Variants in DNASE1L1 observed in about 807,000 individuals in gnomAD.
The protein encoded by DNASE1L1 is deoxyribonuclease 1 like 1.
DNASE1L1 carries 8 observed loss-of-function variants against 18.6 expected under a neutral mutation model. The ratio of observed to expected loss-of-function variants is 0.43; its 90% CI spans 0.25 to 0.78. The LOEUF is 0.78. Among genes scored for constraint, DNASE1L1 ranks in the 30% least tolerant of loss-of-function variants. The pLI is 0.23. For missense variants in DNASE1L1, 214 were observed against 258.2 expected, an observed-to-expected ratio of 0.83 and a Z score of 1.17; for synonymous variants, 114 against 114.2, an observed-to-expected ratio of 1.00 and a Z score of 0.01.
chrX:154,407,531 G>A (rs1416300640), intron 1 of DNASE1L1, among the ~76,000 whole-genome samples: 6 of 104,433 alleles, frequency 5.7e-5, no homozygotes, highest in African/African-American at 1.7e-4. Context: ...GAGCCACTGC[G>A]CCCAGCCAGT....
At chrX:154,411,366 A>G, upstream of DNASE1L1, among the ~76,000 whole-genome samples, 1 of 112,593 alleles carries the variant, frequency 8.9e-6, no homozygotes, top group Middle Eastern at 4.7e-3. Flanking sequence ...CCCTGTGTCA[A>G]ACAAAAAACA....
chrX:154,411,803 G>A, upstream of DNASE1L1: 2 of 1,132,306 alleles, frequency 1.8e-6, no homozygotes, highest in Non-Finnish European at 2.3e-6. Context: ...CCCACAGGCC[G>A]GCCCGGGGCG....
chrX:154,402,569 TCAAA>T lies in DNASE1L1; in HGVS notation c.*134_*137del, dbSNP rs1245537130. On this transcript the variant is annotated 3_prime_UTR_variant, in exon 8 of 8. Coordinates refer to ENST00000369807, the MANE Select transcript of DNASE1L1 (RefSeq NM_001303620.2). Reference sequence around the variant, plus strand: ...GCCCAACCAAAGAACAAGAGCCAAATCAAACAAGGCAGGCAGGGGTGGACTACAG... The same window carrying T: ...GCCCAACCAAAGAACAAGAGCCAAATCAAGGCAGGCAGGGGTGGACTACAG... The T allele has an allele frequency of 1.5e-6, 1 of 675,652 alleles. No homozygotes were observed. The highest frequency in any genetic ancestry group is 2.2e-5 in the African/African-American group (1 of 45,035). 55.7% of individuals were successfully genotyped at this position (675,652 alleles called of 1,213,427 possible).
At position 154,402,217 on chromosome X, in the gene DNASE1L1, G is replaced by T. The variant is rs142707391; in HGVS notation, c.*490C>A. On this transcript the variant is annotated 3_prime_UTR_variant, in exon 8 of 8. Coordinates refer to ENST00000369807, the MANE Select transcript of DNASE1L1 (RefSeq NM_001303620.2). Reference sequence around the variant, plus strand: ...TGAGCCAAAATGTTTCCCGGTGTTTGCTGGTTTCAGGGAAGGAGTTTGATA... The same window carrying T: ...TGAGCCAAAATGTTTCCCGGTGTTTTCTGGTTTCAGGGAAGGAGTTTGATA... 545 of 124,661 alleles carry T rather than the reference G, an allele frequency of 4.4e-3. 3 individuals are homozygous for T. Among genetic ancestry groups the T allele is most frequent in the Non-Finnish European group, 7.1e-3 (434 of 60,847 alleles). 10.3% of individuals were successfully genotyped at this position (124,661 alleles called of 1,213,427 possible).
At position 154,406,368 on chromosome X, in the gene DNASE1L1, GT is replaced by G. The variant is rs57476394; in HGVS notation, c.-87-714del. Among the ~76,000 whole-genome samples the G allele has an allele frequency of 8.7e-3, 733 of 84,706 alleles. 2 individuals carry two copies. Among genetic ancestry groups the G allele is most frequent in the Middle Eastern group, 0.018 (3 of 168 alleles). The allele number at this position is 84,706 out of a possible 115,157, so 73.6% of individuals were successfully genotyped here. On this transcript the variant is annotated intron_variant, in intron 1 of 7. Transcript: ENST00000369807. ...ATTCATTCATTCATCCATCCATCTG[GT>G]TTTTTTTTTTTTTTTTTGAGACGGA...
Position 154,401,367 on chromosome X carries a change from T to A in DNASE1L1, c.*1340A>T, listed in dbSNP as rs1230803544. The A allele has an allele frequency of 3.2e-5, 5 of 156,142 alleles. No homozygotes were observed. Among genetic ancestry groups the A allele is most frequent in the Non-Finnish European group, 6.2e-5 (5 of 80,604 alleles). The allele number at this position is 156,142 out of a possible 1,213,427, so 12.9% of individuals were successfully genotyped here. On this transcript the variant is annotated 3_prime_UTR_variant, in exon 8 of 8. Coordinates refer to ENST00000369807, the MANE Select transcript of DNASE1L1 (RefSeq NM_001303620.2). Reference sequence around the variant, plus strand: ...TCATCCAGGTACTGCTGAGGTCACCTGCGATTTGCCCCATTTCCTATCTCT... The same window carrying A: ...TCATCCAGGTACTGCTGAGGTCACCAGCGATTTGCCCCATTTCCTATCTCT...
upstream of DNASE1L1, chrX:154,411,454 G>T (rs1386695532): frequency 2.0e-5 from 4 of 204,111 alleles, no homozygotes; most frequent in African/African-American, 1.3e-4. Flanking sequence ...GCCACTTCCC[G>T]CCGCCCCGGG....
At chrX:154,412,022 G>A, upstream of DNASE1L1, 1 of 1,205,208 alleles carries the variant, frequency 8.3e-7, no homozygotes, top group Non-Finnish European at 1.1e-6. Flanking sequence ...ACTTAGGGTG[G>A]GGGACGCCGC....
Position 154,405,470 on chromosome X carries a change from C to T in DNASE1L1, c.99G>A (p.Lys33=), listed in dbSNP as rs1557188209. Reference sequence around the variant, plus strand: ...TGTCCATCACCTGCTCCCTGGCCACCTTGGCCAGTGTCAGCCGCTGGGCAT... The same window carrying T: ...TGTCCATCACCTGCTCCCTGGCCACTTTGGCCAGTGTCAGCCGCTGGGCAT... The part of the protein sequence containing the change: ...AFNAQRLTLA[K]VAREQVMDTL... The change falls in exon 2 of 8, where the codon AAG becomes AAA. Residue 33 remains lysine (K), a synonymous_variant. Transcript: ENST00000369807. The T allele has an allele frequency of 1.7e-6, 2 of 1,201,641 alleles. No homozygotes were observed. The highest frequency in any genetic ancestry group is 1.7e-5 in the African/African-American group (1 of 57,401).
intron 1 of DNASE1L1, among the ~76,000 whole-genome samples, chrX:154,407,251 T>C (rs1427768457): frequency 6.9e-5 from 5 of 72,672 alleles, no homozygotes; most frequent in African/African-American, 3.9e-4. Context: ...TTTTTTTTTT[T>C]TTTTTGAGAC....
chrX:154,407,766 C>T (rs782276434), intron 1 of DNASE1L1, among the ~76,000 whole-genome samples: 5 of 84,964 alleles, frequency 5.9e-5, no homozygotes, highest in South Asian at 7.5e-4. Context: ...CGGCCCCCCC[C>T]CTTTTTTTTT....
upstream of DNASE1L1, among the ~76,000 whole-genome samples, chrX:154,410,251 A>G (rs1448139825): frequency 1.3e-4 from 15 of 111,118 alleles, no homozygotes; most frequent in Admixed American, 1.4e-3. Context: ...TCTCAAAAAA[A>G]AAAATCAATA....
intron 4 of DNASE1L1, 89 bp from the exon 5 acceptor site, chrX:154,403,711 A>G (rs1557187697): frequency 2.6e-6 from 2 of 756,510 alleles, no homozygotes; most frequent in African/African-American, 2.1e-5. Flanking sequence ...GGGGCCCTCC[A>G]CTAACAGCGG....
upstream of DNASE1L1, chrX:154,411,709 G>T (rs1557190550): frequency 5.0e-6 from 3 of 595,981 alleles, no homozygotes; most frequent in Non-Finnish European, 5.3e-6. Context: ...CCAGTCCCCT[G>T]TTGCGCCGCG....
At chrX:154,404,968 T>C in intron 3 of DNASE1L1, 27 bp downstream of exon 3, 4 of 1,206,031 alleles carry the variant, frequency 3.3e-6, no homozygotes, top group Non-Finnish European at 4.5e-6. Flanking sequence ...GGTGTGCCCC[T>C]GATTAGACCC....
upstream of DNASE1L1, chrX:154,411,890 C>T (rs1227132566): frequency 8.3e-7 from 1 of 1,205,500 alleles, no homozygotes; most frequent in Non-Finnish European, 1.1e-6. Flanking sequence ...CCGCCGCTCA[C>T]CTGGACCCTG....
Position 154,403,323 on chromosome X carries a change from CTCCT to C in DNASE1L1, c.467_470del (p.Lys156SerfsTer2). ...GAAACACATCGTAGAGGGCGTTCAG[CTCCT>C]TCTCTACGGCCTTAGGAGTGGTGTG... On this transcript the variant is annotated frameshift_variant, in exon 6 of 8. Coordinates refer to ENST00000369807, the MANE Select transcript of DNASE1L1 (RefSeq NM_001303620.2). LOFTEE classifies it high-confidence loss of function. 2 of 1,211,713 alleles carry C rather than the reference CTCCT, an allele frequency of 1.7e-6. No individual in the cohort carries two copies. Among genetic ancestry groups the C allele is most frequent in the Non-Finnish European group, 2.2e-6 (2 of 895,499 alleles).
In DNASE1L1 at chrX:154,409,008, T is replaced by C. The variant is rs896309415; in HGVS notation, c.-88+104A>G. 18 of 273,900 alleles carry C rather than the reference T, an allele frequency of 6.6e-5. No homozygotes were observed. The Admixed American group carries it at 7.9e-4, about 12-fold the overall frequency. The allele number at this position is 273,900 out of a possible 1,213,427, so 22.6% of individuals were successfully genotyped here. A position where few individuals can be genotyped will look rare whatever the true frequency, so the allele number is the denominator to read the frequency against. ...TTCAGCCCCAAACCCTGGCTGTCAA[T>C]ATCAGCCTTGGTGGGAGCCCTAGGC... On this transcript the variant is annotated intron_variant, in intron 1 of 7. Transcript: ENST00000369807.
chrX:154,403,264 C>T lies in DNASE1L1; in HGVS notation c.525+5G>A. On this transcript the variant is annotated splice_donor_5th_base_variant and intron_variant, in intron 6 of 7. Coordinates refer to ENST00000369807, the MANE Select transcript of DNASE1L1 (RefSeq NM_001303620.2). The stretch of plus-strand genomic sequence containing the variant: ...GTCCCTCCTGTACAAACTGCCCAGG[C>T]CTACCTTGCTCTGCCAGTGCTGGGA... 1 of 1,210,407 alleles carries T rather than the reference C, an allele frequency of 8.3e-7. No homozygotes were observed. Among genetic ancestry groups the T allele is most frequent in the Non-Finnish European group, 1.1e-6 (1 of 894,407 alleles).
Sources: allele counts gnomAD v4.1 joint callset (sites outside exome capture counted in the v4.1 genomes callset), GRCh38; gene constraint gnomAD v4.1.1; transcripts MANE v1.5; gene names NCBI Gene and HGNC (gene_info 2026-07-23, HGNC 2026-07-21).